The following DPP6 variants were observed in gnomAD, a reference collection of about 807,000 sequenced individuals.
DPP6 encodes A-type potassium channel modulatory protein DPP6.
Under a neutral mutation model 122.6 loss-of-function variants are expected in DPP6, and 69 were observed. The observed-to-expected ratio is 0.56, with a 90% CI of 0.46 to 0.69. The LOEUF (loss-of-function observed/expected upper bound fraction) is 0.69. Among genes scored for constraint, DPP6 ranks in the 30% least tolerant of loss-of-function variants. DPP6 has a pLI of 0.00. For synonymous variants in DPP6, 418 were observed against 433.1 expected (o/e 0.97, Z 0.43); for missense variants, 928 against 1,116.9 (o/e 0.83, Z 2.41).
In DPP6 at chr7:154,833,859, G is replaced by T. The variant is rs538522210; in HGVS notation, c.1667-19921G>T. ...GACAAAGGAGTTTTATTTTCTTTCT[G>T]GGTACAAGAGTTGGTGGTGGCCTTA... is the stretch of plus-strand genomic sequence containing the variant. On this transcript the variant is annotated intron_variant, in intron 16 of 25. Transcript: ENST00000377770. This position sits in a 1 kb window ranked among gnomAD's most constrained non-coding sequence, Gnocchi z 4.3. Among the ~76,000 whole-genome samples the T allele has an allele frequency of 5.3e-5, 8 of 152,288 alleles. No individual in the cohort carries two copies. In the South Asian group the frequency reaches 1.7e-3, roughly 32 times the overall value.
intron 1 of DPP6, among the ~76,000 whole-genome samples, chr7:154,192,666 C>T (rs1319763857): frequency 6.6e-6 from 1 of 152,232 alleles, no homozygotes; most frequent in Non-Finnish European, 1.5e-5. Context: ...CAATTAGATG[C>T]TTTTATAAAT....
At position 154,282,025 on chromosome 7, in the gene DPP6, AACACCT is replaced by A. The variant is rs1804547743; in HGVS notation, c.244-164188_244-164183del. ...CTCTAGCTTAGTGACTTAACCTTTC[AACACCT>A]CTGTTTCCTCCCCTGTCCAATGGGG... On this transcript the variant is annotated intron_variant, in intron 1 of 25. Transcript: ENST00000377770. The surrounding 1 kb of genome is among the most constrained non-coding windows in gnomAD (Gnocchi z 4.8). Among the ~76,000 whole-genome samples, 1 of 152,036 alleles carries A rather than the reference AACACCT, an allele frequency of 6.6e-6. No individual in the cohort carries two copies.
At chr7:154,558,878 G>A (rs915335511) in intron 4 of DPP6, among the ~76,000 whole-genome samples, 2 of 152,118 alleles carry the variant, frequency 1.3e-5, no homozygotes, top group Non-Finnish European at 2.9e-5. Context: ...AATAAGTCAG[G>A]TTAATCCACA....
chr7:153,989,334 AGT>A (rs1212366997), intron 1 of DPP6, among the ~76,000 whole-genome samples: 4 of 149,654 alleles, frequency 2.7e-5, no homozygotes, highest in Non-Finnish European at 4.4e-5. Context: ...TGTGAGTGTG[AGT>A]GTGCAAGTGT....
intron 9 of DPP6, among the ~76,000 whole-genome samples, chr7:154,771,376 C>T (rs1467494850): frequency 6.6e-6 from 1 of 152,230 alleles, no homozygotes; most frequent in Non-Finnish European, 1.5e-5. Flanking sequence ...CTCTTCCTGG[C>T]TTGCAGACAG....
chr7:154,884,147 C>T (rs1453770438), intron 21 of DPP6: 1 of 131,750 alleles, frequency 7.6e-6, no homozygotes, highest in Non-Finnish European at 1.6e-5. Flanking sequence ...CTCACACACA[C>T]ATGCTCATAC....
Position 153,948,715 on chromosome 7 carries a change from T to C in DPP6, c.51+60981T>C, listed in dbSNP as rs145470858. ...AACTTAAACAAAGGTCCCACTTACC[T>C]GTCCTCTATAATATAGACTACCTTC... On this transcript the variant is annotated intron_variant, in intron 1 of 25. Coordinates refer to the DPP6 transcript ENST00000404039. Among the ~76,000 whole-genome samples, 411 of 150,606 alleles carry C rather than the reference T, an allele frequency of 2.7e-3. 4 individuals are homozygous for C. The highest frequency in any genetic ancestry group is 9.5e-3 in the African/African-American group (389 of 40,910).
the DPP6 span, among the ~76,000 whole-genome samples, chr7:153,827,942 G>A: frequency 6.6e-6 from 1 of 152,200 alleles, no homozygotes; most frequent in African/African-American, 2.4e-5. Context: ...GAGTCGGGAT[G>A]GTCACTGATG....
intron 7 of DPP6, among the ~76,000 whole-genome samples, chr7:154,682,810 TTTTA>T (rs1168859862): frequency 2.0e-5 from 3 of 152,144 alleles, no homozygotes; most frequent in Non-Finnish European, 4.4e-5. Context: ...GCCCACGAGG[TTTTA>T]TTTCACTTCT....
rs71932843 is a variant in DPP6 at position 154,381,672 on chromosome 7, CAT to C, written c.244-64540_244-64539del. Among the ~76,000 whole-genome samples the C allele has an allele frequency of 4.0e-3, 609 of 152,278 alleles. 2 individuals carry two copies. Among genetic ancestry groups the C allele is most frequent in the African/African-American group, 0.013 (530 of 41,564 alleles). Reference sequence around the variant, plus strand: ...ATGCTGGTTTCAGCAACACGGAAAACATAAAAAGATAATTATAGAACAGGGTT... The same window carrying C: ...ATGCTGGTTTCAGCAACACGGAAAACAAAAAGATAATTATAGAACAGGGTT... On this transcript the variant is annotated intron_variant, in intron 1 of 25. Transcript: ENST00000377770.
chr7:153,912,467 C>G (rs1299747144), intron 1 of DPP6, among the ~76,000 whole-genome samples: 2 of 152,172 alleles, frequency 1.3e-5, no homozygotes, highest in African/African-American at 2.4e-5. Context: ...TCCAAATTCT[C>G]TTTCCTATTA....
At chr7:154,433,998 G>A (rs935284423) in intron 1 of DPP6, among the ~76,000 whole-genome samples, 2 of 152,122 alleles carry the variant, frequency 1.3e-5, no homozygotes, top group African/African-American at 4.8e-5. Flanking sequence ...TTAAACTGTG[G>A]TTATTTCTTT....
intron 3 of DPP6, among the ~76,000 whole-genome samples, chr7:154,516,194 TC>T (rs993614276): frequency 6.6e-6 from 1 of 152,050 alleles, no homozygotes; most frequent in African/African-American, 2.4e-5. Context: ...TAGCCTGACT[TC>T]CTGGAAGGGT....
chr7:153,947,729 C>T (rs1054818728), intron 1 of DPP6, among the ~76,000 whole-genome samples: 6 of 152,056 alleles, frequency 3.9e-5, no homozygotes, highest in African/African-American at 1.2e-4. Context: ...CGGTGGGAAC[C>T]GCAGCAAGGT....
At chr7:154,751,373 G>C (rs187365317) in intron 8 of DPP6, among the ~76,000 whole-genome samples, 26 of 152,030 alleles carry the variant, frequency 1.7e-4, no homozygotes, top group Non-Finnish European at 1.5e-5. Context: ...ACCAAGGCGG[G>C]CCGATCACCT....
chr7:154,387,278 C>T (rs1208852045), intron 1 of DPP6, among the ~76,000 whole-genome samples: 3 of 151,942 alleles, frequency 2.0e-5, no homozygotes, highest in African/African-American at 4.8e-5. Context: ...CCAGACTAAG[C>T]CTGGAACACA....
chr7:154,296,031 A>G (rs1441153407), intron 1 of DPP6, among the ~76,000 whole-genome samples: 2 of 142,848 alleles, frequency 1.4e-5, no homozygotes, highest in Non-Finnish European at 3.0e-5. Flanking sequence ...TGCAAGCTCT[A>G]CCTCCCAGGT....
chr7:154,261,375 T>C (rs140642897), intron 1 of DPP6, among the ~76,000 whole-genome samples: 1 of 152,322 alleles, frequency 6.6e-6, no homozygotes, highest in African/African-American at 2.4e-5. Flanking sequence ...TCTCACCTTA[T>C]ACAGAAATCA....
At chr7:154,079,961 A>C (rs1490855555) in intron 1 of DPP6, among the ~76,000 whole-genome samples, 3 of 151,582 alleles carry the variant, frequency 2.0e-5, no homozygotes, top group Non-Finnish European at 2.9e-5. Context: ...ACAGAAGGGG[A>C]TCCCAAATAA....
Sources: allele counts gnomAD v4.1 joint callset (sites outside exome capture counted in the v4.1 genomes callset), GRCh38; gene constraint gnomAD v4.1.1; non-coding constraint Gnocchi (gnomAD v3.1); transcripts MANE v1.5; gene names NCBI Gene and HGNC (gene_info 2026-07-23, HGNC 2026-07-21).